The following TMEM71 variants were observed in gnomAD, a reference collection of about 807,000 sequenced individuals.
The protein encoded by TMEM71 is transmembrane protein 71.
In TMEM71, 44 loss-of-function variants were observed where a neutral mutation model predicts 38.0. The observed-to-expected ratio is 1.16, with a 90% confidence interval of 0.91 to 1.49. The LOEUF is 1.49. Ranked by LOEUF, TMEM71 falls within the 40% of genes most tolerant of loss-of-function variation. The probability of loss-of-function intolerance (pLI) is 0.00; values close to 1 mark genes in which losing one functional copy is unlikely to be tolerated. For synonymous variants in TMEM71, 133 were observed against 122.5 expected, an observed-to-expected ratio of 1.09 and a Z score of -0.56; for missense variants, 367 against 348.6, an observed-to-expected ratio of 1.05 and a Z score of -0.42.
chr8:132,759,787 A>G (rs1829231957), intron 1 of TMEM71, among the ~76,000 whole-genome samples: 1 of 152,240 alleles, frequency 6.6e-6, no homozygotes, highest in Admixed American at 6.5e-5. Flanking sequence ...CTAATTCTAC[A>G]GCTTCAAGTT....
At chr8:132,725,656 G>A (rs539600125) in intron 6 of TMEM71, among the ~76,000 whole-genome samples, 1 of 152,294 alleles carries the variant, frequency 6.6e-6, no homozygotes, top group African/African-American at 2.4e-5. Flanking sequence ...TGGAGACCTT[G>A]TCCACCCAGG....
At chr8:132,731,848 G>A (rs1285309365) in intron 5 of TMEM71, among the ~76,000 whole-genome samples, 1 of 152,208 alleles carries the variant, frequency 6.6e-6, no homozygotes, top group Non-Finnish European at 1.5e-5. Context: ...TGCCTTGATT[G>A]CTGTCATGGA....
intron 2 of TMEM71, among the ~76,000 whole-genome samples, 184 bp from the exon 3 acceptor site, chr8:132,757,478 A>G (rs1176386634): frequency 6.6e-6 from 1 of 152,144 alleles, no homozygotes; most frequent in African/African-American, 2.4e-5. Context: ...CCAGGGATCT[A>G]CCGGAAGCAA....
intron 3 of TMEM71, among the ~76,000 whole-genome samples, chr8:132,754,273 A>G (rs529926387): frequency 3.3e-5 from 5 of 152,266 alleles, no homozygotes; most frequent in African/African-American, 9.6e-5. Flanking sequence ...TAGACTATCA[A>G]GTCTATGGCC....
intron 9 of TMEM71, among the ~76,000 whole-genome samples, chr8:132,712,368 GAACA>G (rs1378968520): frequency 6.6e-6 from 1 of 152,070 alleles, no homozygotes; most frequent in Non-Finnish European, 1.5e-5. Flanking sequence ...TTTTGGGAGA[GAACA>G]AACAATGAGC....
intron 5 of TMEM71, among the ~76,000 whole-genome samples, chr8:132,739,194 A>G (rs1228037022): frequency 6.6e-6 from 1 of 152,230 alleles, no homozygotes; most frequent in Admixed American, 6.5e-5. Context: ...GGCCTGCACT[A>G]TGAGGGACAT....
chr8:132,732,257 T>C (rs1827500681), intron 5 of TMEM71, among the ~76,000 whole-genome samples: 1 of 152,114 alleles, frequency 6.6e-6, no homozygotes, highest in Admixed American at 6.6e-5. Flanking sequence ...CAAGGAGGCT[T>C]CACAGAGGAG....
At chr8:132,721,259 A>G (rs1437375486) in intron 7 of TMEM71, among the ~76,000 whole-genome samples, 1 of 152,166 alleles carries the variant, frequency 6.6e-6, no homozygotes, top group Non-Finnish European at 1.5e-5. Context: ...AAGGCAGAGG[A>G]AGAACATACA....
At chr8:132,732,216 A>G (rs1827497565) in intron 5 of TMEM71, among the ~76,000 whole-genome samples, 1 of 152,274 alleles carries the variant, frequency 6.6e-6, no homozygotes, top group South Asian at 2.1e-4. Context: ...GGAATCTAGG[A>G]AGGGGTGTCT....
intron 5 of TMEM71, among the ~76,000 whole-genome samples, chr8:132,745,444 A>G (rs190221069): frequency 6.6e-6 from 1 of 152,228 alleles, no homozygotes; most frequent in African/African-American, 2.4e-5. Context: ...ATCACTAATC[A>G]TAGAAATGCA....
At chr8:132,772,583 A>G in the TMEM71 span, among the ~76,000 whole-genome samples, 2 of 152,226 alleles carry the variant, frequency 1.3e-5, no homozygotes, top group African/African-American at 4.8e-5. Context: ...CAGTTTTATC[A>G]GGCTTAGTGC....
At chr8:132,733,487 G>A (rs1827574714) in intron 5 of TMEM71, among the ~76,000 whole-genome samples, 1 of 152,198 alleles carries the variant, frequency 6.6e-6, no homozygotes, top group Non-Finnish European at 1.5e-5. Flanking sequence ...TTCACCTGTG[G>A]TTCCCCTCAG....
chr8:132,756,411 T>TTTTATA (rs1554619986), intron 3 of TMEM71, among the ~76,000 whole-genome samples: 8 of 115,812 alleles, frequency 6.9e-5, no homozygotes, highest in African/African-American at 2.4e-4. Context: ...AACATATATA[T>TTTTATA]TATATATATA....
At chr8:132,730,806 A>G (rs965462319) in intron 5 of TMEM71, among the ~76,000 whole-genome samples, 3 of 152,194 alleles carry the variant, frequency 2.0e-5, no homozygotes, top group African/African-American at 7.2e-5. Context: ...TATGAACTGT[A>G]GGACACTTAG....
At chr8:132,741,911 G>A (rs1184273979) in intron 5 of TMEM71, among the ~76,000 whole-genome samples, 2 of 152,230 alleles carry the variant, frequency 1.3e-5, no homozygotes, top group Admixed American at 6.5e-5. Context: ...TATGTAGCGG[G>A]TGTTGTTCCT....
chr8:132,742,599 G>A (rs1427598889), intron 5 of TMEM71, among the ~76,000 whole-genome samples: 1 of 152,192 alleles, frequency 6.6e-6, no homozygotes, highest in African/African-American at 2.4e-5. Context: ...CTCAAGGTTA[G>A]GGTCATGTCT....
At chr8:132,708,461 C>A (rs1458364644), downstream of TMEM71, among the ~76,000 whole-genome samples, 1 of 152,194 alleles carries the variant, frequency 6.6e-6, no homozygotes, top group Non-Finnish European at 1.5e-5. Flanking sequence ...CATTATCTAT[C>A]ACCATGTAAT....
chr8:132,745,270 C>G (rs2739023), intron 5 of TMEM71, among the ~76,000 whole-genome samples: 52,712 of 152,020 alleles, frequency 0.35, 10,506 homozygotes, highest in South Asian at 0.5. Context: ...TATGCACAAA[C>G]TATGAATCTA....
chr8:132,753,064 T>C (rs1266072164), intron 3 of TMEM71, among the ~76,000 whole-genome samples: 3 of 151,980 alleles, frequency 2.0e-5, no homozygotes, highest in South Asian at 2.1e-4. Context: ...TTTTTCCCTC[T>C]TTTCTCCCTT....
Sources: gnomAD v4.1 joint callset for allele counts (sites outside exome capture counted in the v4.1 genomes callset) on GRCh38, gnomAD v4.1.1 for gene constraint, MANE v1.5 for transcripts, NCBI Gene and HGNC (gene_info 2026-07-23, HGNC 2026-07-21) for gene names.